The following ANKS6 variants were observed in gnomAD, a reference collection of about 807,000 sequenced individuals.
ANKS6 encodes the protein ankyrin repeat and SAM domain-containing protein 6.
ANKS6 carries 47 observed loss-of-function variants against 77.9 expected under a neutral mutation model. The observed-to-expected ratio is 0.60, with a 90% CI of 0.48 to 0.77. The LOEUF (loss-of-function observed/expected upper bound fraction) is 0.77, where lower values mean the gene tolerates loss of function less well. Among genes scored for constraint, ANKS6 ranks in the 30% least tolerant of loss-of-function variants. The probability of loss-of-function intolerance (pLI) is 0.00; values close to 1 mark genes in which losing one functional copy is unlikely to be tolerated. For missense variants in ANKS6, 1,150 were observed against 1,159.1 expected (o/e 0.99, Z 0.11); for synonymous variants, 488 against 501.7 (o/e 0.97, Z 0.37).
chr9:98,782,351 T>C (rs1247127487), intron 5 of ANKS6, 116 bp downstream of exon 5: 5 of 932,360 alleles, frequency 5.4e-6, no homozygotes, highest in Non-Finnish European at 8.3e-6. Context: ...TGAGAGTGAC[T>C]TTCCCCCACG....
At chr9:98,750,560 G>A (rs1247524933) in intron 13 of ANKS6, among the ~76,000 whole-genome samples, 3 of 152,100 alleles carry the variant, frequency 2.0e-5, no homozygotes, top group Non-Finnish European at 4.4e-5. Context: ...TGGGTCACAC[G>A]GTAACTCTAT....
intron 14 of ANKS6, among the ~76,000 whole-genome samples, chr9:98,745,235 G>A (rs1326752772): frequency 6.6e-6 from 1 of 152,198 alleles, no homozygotes; most frequent in African/African-American, 2.4e-5. Flanking sequence ...ACCCCACACA[G>A]TGAATAAGTG....
chr9:98,795,712 C>A (rs994739645), intron 1 of ANKS6, among the ~76,000 whole-genome samples: 1 of 152,224 alleles, frequency 6.6e-6, no homozygotes, highest in Non-Finnish European at 1.5e-5. Flanking sequence ...GCTACTCAAA[C>A]CTTTCCGGTC....
At chr9:98,760,559 G>A (rs1832952752) in intron 11 of ANKS6, among the ~76,000 whole-genome samples, 1 of 152,166 alleles carries the variant, frequency 6.6e-6, no homozygotes, top group Non-Finnish European at 1.5e-5. Context: ...ACAGGAAACT[G>A]GATGAAGACC....
chr9:98,796,262 G>T lies in ANKS6; in HGVS notation c.230C>A (p.Ala77Glu). Residue 77 changes from alanine to glutamate, a missense_variant, in exon 1 of 15, where the codon GCG (alanine) becomes GAG (glutamate). Ala to Glu is a moderately radical substitution (Grantham distance 107). Transcript: ENST00000353234. ...APVPVDCSDE[A>E]GNTALQFAAA... ...GGCGAACTGCAGTGCGGTGTTGCCC[G>T]CCTCGTCCGAGCAATCCACGGGCAC... 1 of 1,363,202 alleles carries T rather than the reference G, an allele frequency of 7.3e-7. No homozygotes were observed. The highest frequency in any genetic ancestry group is 9.5e-7 in the Non-Finnish European group (1 of 1,052,686). The allele number at this position is 1,363,202 out of a possible 1,614,324, so 84.4% of individuals were successfully genotyped here. A position where few individuals can be genotyped will look rare whatever the true frequency, so the allele number is the denominator to read the frequency against.
intron 11 of ANKS6, among the ~76,000 whole-genome samples, chr9:98,763,539 A>T (rs1292160845): frequency 6.6e-6 from 1 of 152,022 alleles, no homozygotes; most frequent in Non-Finnish European, 1.5e-5. Flanking sequence ...AAAAAGAAAG[A>T]TCTCTAAACT....
chr9:98,741,661 T>A (rs1396863364), intron 14 of ANKS6, among the ~76,000 whole-genome samples: 5 of 152,126 alleles, frequency 3.3e-5, no homozygotes, highest in Non-Finnish European at 5.9e-5. Context: ...CTGGTAAACC[T>A]CCAATATATA....
chr9:98,736,396 C>G lies in ANKS6; in HGVS notation c.*123G>C. On this transcript the variant is annotated 3_prime_UTR_variant, in exon 15 of 15. Coordinates refer to ENST00000353234, the MANE Select transcript of ANKS6 (RefSeq NM_173551.5). ...AATGCCGTCGACGTGAAGTGGGCATCCCGAGCAAAGGGAACAACATGACTA... is the reference window on the plus strand; with the variant it reads ...AATGCCGTCGACGTGAAGTGGGCATGCCGAGCAAAGGGAACAACATGACTA... 1 of 1,436,084 alleles carries G rather than the reference C, an allele frequency of 7.0e-7. No homozygotes were observed. Among genetic ancestry groups the G allele is most frequent in the Non-Finnish European group, 9.1e-7 (1 of 1,096,394 alleles). 89.0% of individuals were successfully genotyped at this position (1,436,084 alleles called of 1,614,324 possible).
At chr9:98,772,799 G>A (rs745530980) in intron 9 of ANKS6, among the ~76,000 whole-genome samples, 6 of 152,072 alleles carry the variant, frequency 3.9e-5, no homozygotes, top group Non-Finnish European at 5.9e-5. Context: ...CTCAGCTGTC[G>A]CCTCTTCCTG....
intron 2 of ANKS6, 103 bp downstream of exon 2, chr9:98,790,001 A>G: frequency 1.4e-6 from 2 of 1,452,820 alleles, no homozygotes; most frequent in South Asian, 2.8e-5. Flanking sequence ...GCAGGGCTGG[A>G]CTCTGAGTTC....
In ANKS6 at chr9:98,755,831, G is replaced by A. The variant is rs568006391; in HGVS notation, c.2326+589C>T. ...TCATTATAAATACAGCCAAGCCAAT[G>A]GCCTTTACACTTGGGATTTTGCTGG... On this transcript the variant is annotated intron_variant, in intron 12 of 14. Transcript: ENST00000353234. Among the ~76,000 whole-genome samples, 4 of 152,276 alleles carry A rather than the reference G, an allele frequency of 2.6e-5. No individual in the cohort carries two copies. In the South Asian group the frequency reaches 6.2e-4, roughly 24 times the overall value.
intron 13 of ANKS6, among the ~76,000 whole-genome samples, chr9:98,748,547 A>G (rs60901663): frequency 9.9e-5 from 15 of 152,126 alleles, no homozygotes; most frequent in Non-Finnish European, 2.1e-4. Context: ...GACTTTGGGG[A>G]AGTCTCTTTA....
chr9:98,736,261 T>C lies in ANKS6; in HGVS notation c.*258A>G. The C allele has an allele frequency of 7.6e-7, 1 of 1,320,428 alleles. No individual in the cohort carries two copies. The highest frequency in any genetic ancestry group is 9.6e-7 in the Non-Finnish European group (1 of 1,038,006). The allele number at this position is 1,320,428 out of a possible 1,614,324, so 81.8% of individuals were successfully genotyped here. ...CACAGGATGAAAGGAGCTGAGTCCC[T>C]GCATCACTGTGTGAACCAACCTGCC... is the stretch of plus-strand genomic sequence containing the variant. On this transcript the variant is annotated 3_prime_UTR_variant, in exon 15 of 15. Coordinates refer to ENST00000353234, the MANE Select transcript of ANKS6 (RefSeq NM_173551.5).
At position 98,734,788 on chromosome 9, in the gene ANKS6, T is replaced by A. The variant is rs1831401808; in HGVS notation, c.*1731A>T. 2 of 985,066 alleles carry A rather than the reference T, an allele frequency of 2.0e-6. No individual in the cohort carries two copies. Among genetic ancestry groups the A allele is most frequent in the Non-Finnish European group, 1.2e-6 (1 of 829,688 alleles). The allele number at this position is 985,066 out of a possible 1,614,324, so 61.0% of individuals were successfully genotyped here. ...CTGCCAGCACATAGTAGGGGATGAATGAGTGTGTCTCCTTAAAAAGGCTGG... is the reference window on the plus strand; with the variant it reads ...CTGCCAGCACATAGTAGGGGATGAAAGAGTGTGTCTCCTTAAAAAGGCTGG... On this transcript the variant is annotated 3_prime_UTR_variant, in exon 15 of 15. Transcript: ENST00000353234.
rs7028766 is a variant in ANKS6, at chr9:98,776,239, C to T, written c.1617+1166G>A. On this transcript the variant is annotated intron_variant, in intron 8 of 14. Coordinates refer to ENST00000353234, the MANE Select transcript of ANKS6 (RefSeq NM_173551.5). The stretch of plus-strand genomic sequence containing the variant: ...TTTAAAAACCATAACCATGAGGGAT[C>T]CCCGAAGTCAGAGACTGCAAACTGT... 2.0e-5 allele frequency among the ~76,000 whole-genome samples: 3 copies of T among 151,994 alleles called. No individual in the cohort carries two copies. In the East Asian group the frequency reaches 5.8e-4, roughly 29 times the overall value.
intron 14 of ANKS6, among the ~76,000 whole-genome samples, chr9:98,738,197 C>A (rs1262469900): frequency 6.6e-6 from 1 of 152,058 alleles, no homozygotes. Context: ...TGACCAAGAA[C>A]CCAAAAGCAA....
rs115337294 is a variant in ANKS6, at chr9:98,736,479, G to A, written c.*40C>T. 4.0e-3 allele frequency: 6,295 copies of A among 1,568,886 alleles called. 203 individuals are homozygous for A. In the African/African-American group the frequency reaches 0.073, roughly 18 times the overall value. On this transcript the variant is annotated 3_prime_UTR_variant, in exon 15 of 15. Coordinates refer to ENST00000353234, the MANE Select transcript of ANKS6 (RefSeq NM_173551.5). ...GCTGTGGCCACGTGAAGGGGTCCCG[G>A]GATTCAGAGAGCTCACGCTGGTGGC...
chr9:98,769,459 TCA>T (rs1312928662), intron 10 of ANKS6, among the ~76,000 whole-genome samples: 1 of 152,196 alleles, frequency 6.6e-6, no homozygotes, highest in Non-Finnish European at 1.5e-5. Context: ...AGGAACAGCC[TCA>T]GTGTTCAACA....
chr9:98,766,246 T>C (rs949479686), intron 11 of ANKS6, among the ~76,000 whole-genome samples: 1 of 152,248 alleles, frequency 6.6e-6, no homozygotes, highest in Non-Finnish European at 1.5e-5. Flanking sequence ...TATACTTATA[T>C]ATAATGTATG....
Sources: gnomAD v4.1 joint callset for allele counts (sites outside exome capture counted in the v4.1 genomes callset) on GRCh38, gnomAD v4.1.1 for gene constraint, MANE v1.5 for transcripts, NCBI Gene and HGNC (gene_info 2026-07-23, HGNC 2026-07-21) for gene names.